The following PLCH1 variants were observed in gnomAD, a reference collection of about 807,000 sequenced individuals.
PLCH1 encodes the protein phospholipase C eta 1.
Under a neutral mutation model 126.7 loss-of-function variants are expected in PLCH1, and 60 were observed. The observed-to-expected ratio is 0.47, with a 90% CI of 0.38 to 0.59. The LOEUF (loss-of-function observed/expected upper bound fraction) is 0.59, where lower values mean the gene tolerates loss of function less well. Among genes scored for constraint, PLCH1 ranks in the 20% least tolerant of loss-of-function variants. PLCH1 has a pLI of 0.00. For synonymous variants in PLCH1, 719 were observed against 734.9 expected, an observed-to-expected ratio of 0.98 and a Z score of 0.35; for missense variants, 1,723 against 2,040.0, an observed-to-expected ratio of 0.84 and a Z score of 2.99.
intron 18 of PLCH1, among the ~76,000 whole-genome samples, chr3:155,492,105 T>C (rs1365339618): frequency 6.6e-6 from 1 of 152,078 alleles, no homozygotes; most frequent in Non-Finnish European, 1.5e-5. Context: ...GATGGTTTAA[T>C]AGGCGGGAGT....
At chr3:155,557,840 G>A (rs1449146677) in intron 8 of PLCH1, among the ~76,000 whole-genome samples, 7 of 152,064 alleles carry the variant, frequency 4.6e-5, no homozygotes, top group Admixed American at 2.6e-4. Flanking sequence ...GCTTAAAGAC[G>A]TTCCACCCTG....
intron 1 of PLCH1, among the ~76,000 whole-genome samples, chr3:155,724,865 T>C (rs1198964980): frequency 7.0e-6 from 1 of 143,620 alleles, no homozygotes; most frequent in Non-Finnish European, 1.5e-5. Context: ...AATTGTTATA[T>C]ATGTCCTGTG....
At chr3:155,628,050 A>T (rs1433513201) in intron 2 of PLCH1, among the ~76,000 whole-genome samples, 1 of 152,132 alleles carries the variant, frequency 6.6e-6, no homozygotes, top group Non-Finnish European at 1.5e-5. Flanking sequence ...TACAGGTGTG[A>T]GCCACCACTC....
intron 2 of PLCH1, among the ~76,000 whole-genome samples, chr3:155,684,765 CT>C (rs1462405491): frequency 6.6e-6 from 1 of 152,130 alleles, no homozygotes; most frequent in Non-Finnish European, 1.5e-5. Flanking sequence ...AACTAAATTA[CT>C]CTACAGAAAT....
intron 2 of PLCH1, chr3:155,658,082 C>G (rs1329869905): frequency 4.6e-6 from 1 of 215,694 alleles, no homozygotes; most frequent in African/African-American, 2.3e-5. Context: ...GATGGTGGTA[C>G]CCAGGTGGTT....
chr3:155,727,392 T>A (rs1253867295), intron 1 of PLCH1, among the ~76,000 whole-genome samples: 1 of 53,946 alleles, frequency 1.9e-5, no homozygotes, highest in Admixed American at 1.9e-4. Flanking sequence ...TACGAAATCC[T>A]TTTTTTTTTT....
intron 5 of PLCH1, 29 bp downstream of exon 5, chr3:155,586,036 A>G (rs1384855997): frequency 6.2e-7 from 1 of 1,606,622 alleles, no homozygotes; most frequent in East Asian, 2.2e-5. Flanking sequence ...TGTATTTTAT[A>G]TAAGGCCAGT....
chr3:155,583,133 A>G (rs1247745266), intron 6 of PLCH1, among the ~76,000 whole-genome samples: 2 of 150,336 alleles, frequency 1.3e-5, no homozygotes, highest in African/African-American at 2.4e-5. Context: ...AATATATAGT[A>G]TAAATTTAAA....
chr3:155,561,231 A>G (rs1727554375), intron 8 of PLCH1, among the ~76,000 whole-genome samples: 2 of 150,848 alleles, frequency 1.3e-5, no homozygotes, highest in Non-Finnish European at 3.0e-5. Flanking sequence ...CGCTGCACCC[A>G]CTAACTCATC....
At chr3:155,618,320 A>G (rs1449946781) in intron 2 of PLCH1, among the ~76,000 whole-genome samples, 5 of 152,084 alleles carry the variant, frequency 3.3e-5, no homozygotes, top group African/African-American at 1.2e-4. Context: ...AATATCACCC[A>G]TTTTTCTGAC....
chr3:155,524,397 T>A (rs531354551), intron 10 of PLCH1, among the ~76,000 whole-genome samples: 1 of 152,368 alleles, frequency 6.6e-6, no homozygotes, highest in Non-Finnish European at 1.5e-5. Flanking sequence ...AATGGGAATG[T>A]ATTTAATACT....
chr3:155,673,273 T>C (rs577301568), intron 2 of PLCH1, among the ~76,000 whole-genome samples: 36 of 152,130 alleles, frequency 2.4e-4, no homozygotes, highest in African/African-American at 8.2e-4. Flanking sequence ...TGTTCCTCTA[T>C]TACAGTATTA....
chr3:155,706,300 A>G (rs1481709688), intron 1 of PLCH1, among the ~76,000 whole-genome samples: 1 of 151,832 alleles, frequency 6.6e-6, no homozygotes, highest in East Asian at 1.9e-4. Context: ...AGCCTGGCCA[A>G]TTGGTGAAAC....
At chr3:155,574,632 T>A (rs1008534552) in intron 6 of PLCH1, among the ~76,000 whole-genome samples, 20 of 152,212 alleles carry the variant, frequency 1.3e-4, no homozygotes, top group Non-Finnish European at 1.0e-4. Context: ...CAGTTCATAT[T>A]CAACTGAATA....
intron 2 of PLCH1, among the ~76,000 whole-genome samples, chr3:155,632,755 G>A (rs1011575115): frequency 1.1e-4 from 17 of 152,134 alleles, no homozygotes; most frequent in African/African-American, 3.9e-4. Context: ...TAAAGAGGAT[G>A]GTCTGCACAT....
At chr3:155,638,640 T>C (rs531957225) in intron 2 of PLCH1, among the ~76,000 whole-genome samples, 1 of 152,388 alleles carries the variant, frequency 6.6e-6, no homozygotes, top group African/African-American at 2.4e-5. Flanking sequence ...CTTCCAACTC[T>C]AGAAATGATT....
At chr3:155,586,272 A>AT in intron 4 of PLCH1, 78 bp from the exon 5 acceptor site, 1 of 1,435,316 alleles carries the variant, frequency 7.0e-7, no homozygotes, top group Non-Finnish European at 9.7e-7. Context: ...TCGCAAAGAC[A>AT]TTTATCAGTA....
At position 155,481,185 on chromosome 3, in the gene PLCH1, G is replaced by A; in HGVS notation, c.4841C>T (p.Pro1614Leu). The change falls in exon 23 of 23, where the codon CCC (proline) becomes CTC (leucine). Residue 1614 changes from proline to leucine, a missense_variant. Physicochemically the swap from Pro to Leu is moderately conservative, Grantham distance 98 (BLOSUM62 -3). Coordinates refer to ENST00000460012, the MANE Select transcript of PLCH1 (RefSeq NM_014996.4). The surrounding 1 kb of genome is among the most constrained non-coding windows in gnomAD (Gnocchi z 4.2). The part of the protein sequence containing the change: ...GVVLRNKPSA[P>L]TPAVNRHSTG... The stretch of plus-strand genomic sequence containing the variant: ...GGAGTGGCGATTCACTGCAGGGGTG[G>A]GTGCTGAGGGTTTGTTTCTAAGAAC... 1 of 1,614,216 alleles carries A rather than the reference G, an allele frequency of 6.2e-7. No individual in the cohort carries two copies. Among genetic ancestry groups the A allele is most frequent in the Non-Finnish European group, 8.5e-7 (1 of 1,180,030 alleles).
At chr3:155,554,290 G>GA (rs1294930341) in intron 8 of PLCH1, 94 bp from the exon 9 acceptor site, 2 of 1,186,442 alleles carry the variant, frequency 1.7e-6, no homozygotes, top group Non-Finnish European at 2.4e-6. Flanking sequence ...TCCATTATCT[G>GA]AAATTATACC....
Sources: allele counts gnomAD v4.1 joint callset (sites outside exome capture counted in the v4.1 genomes callset), GRCh38; gene constraint gnomAD v4.1.1; non-coding constraint Gnocchi (gnomAD v3.1); transcripts MANE v1.5; gene names NCBI Gene and HGNC (gene_info 2026-07-23, HGNC 2026-07-21).